CEP104: variants seen among roughly 807,000 people sequenced by gnomAD.
The protein encoded by CEP104 is centrosomal protein 104.
CEP104 carries 84 observed loss-of-function variants against 113.3 expected under a neutral mutation model. That is an observed-to-expected ratio of 0.74 (90% confidence interval 0.62 to 0.89). The LOEUF is 0.89. CEP104 is among the 40% of genes least tolerant of loss of function. The pLI is 0.00. For missense variants in CEP104, 1,053 were observed against 1,156.6 expected (o/e 0.91, Z 1.30); for synonymous variants, 378 against 421.7 (o/e 0.90, Z 1.27).
rs12093010 is a variant in CEP104 at position 3,835,365 on chromosome 1, G to T, written c.1318-273C>A. Among the ~76,000 whole-genome samples, 5,473 of 152,154 alleles carry T rather than the reference G, an allele frequency of 0.036. 360 individuals carry two copies. The highest frequency in any genetic ancestry group is 0.12 in the African/African-American group (5,182 of 41,504). On this transcript the variant is annotated intron_variant, in intron 10 of 21. Coordinates refer to ENST00000378230, the MANE Select transcript of CEP104 (RefSeq NM_014704.4). ...GAAATATTTTAAAGCTGAGAACGAG[G>T]GAAAACCCTACTCATTTCTTTTTAT... is the stretch of plus-strand genomic sequence containing the variant.
intron 18 of CEP104, 64 bp downstream of exon 18, chr1:3,825,694 G>T: frequency 9.5e-7 from 1 of 1,056,100 alleles, no homozygotes; most frequent in Non-Finnish European, 1.5e-6. Context: ...TTTTTGACTC[G>T]GCCTTTCAAC....
Position 3,836,468 on chromosome 1 carries a change from G to GTTTTTTTTT in CEP104, c.1317+18_1317+26dup, listed in dbSNP as rs36051675. ...AGACTAGCCTCCCCTCTGCCACCCC[G>GTTTTTTTTT]TTTTTTTTTTTTTTTTTTTTTTTTA... On this transcript the variant is annotated intron_variant, in intron 10 of 21. Coordinates refer to ENST00000378230, the MANE Select transcript of CEP104 (RefSeq NM_014704.4). The GTTTTTTTTT allele has an allele frequency of 1.3e-4, 136 of 1,011,066 alleles. 2 individuals carry two copies. Among genetic ancestry groups the GTTTTTTTTT allele is most frequent in the Admixed American group, 4.9e-4 (16 of 32,724 alleles). The allele number at this position is 1,011,066 out of a possible 1,614,324, so 62.6% of individuals were successfully genotyped here. A position where few individuals can be genotyped will look rare whatever the true frequency, so the allele number is the denominator to read the frequency against.
chr1:3,817,379 C>T (rs956196862), intron 20 of CEP104, among the ~76,000 whole-genome samples: 1 of 152,124 alleles, frequency 6.6e-6, no homozygotes, highest in Non-Finnish European at 1.5e-5. Flanking sequence ...CTGCTCCAGC[C>T]GCTCTCCCAT....
At chr1:3,856,323 A>G (rs896846167) in intron 1 of CEP104, among the ~76,000 whole-genome samples, 1 of 152,232 alleles carries the variant, frequency 6.6e-6, no homozygotes, top group Non-Finnish European at 1.5e-5. Flanking sequence ...CGGAGGCTGC[A>G]GTGAGCTGAG....
chr1:3,818,699 T>C (rs140140100), intron 20 of CEP104, among the ~76,000 whole-genome samples: 1,980 of 152,368 alleles, frequency 0.013, 22 homozygotes, highest in Non-Finnish European at 0.021. Context: ...TCTATTTATG[T>C]TCTTTGATGA....
Position 3,823,664 on chromosome 1 carries a change from T to C in CEP104, c.2365-102A>G. On this transcript the variant is annotated intron_variant, in intron 18 of 21. Transcript: ENST00000378230. The surrounding 1 kb of genome is among the most constrained non-coding windows in gnomAD (Gnocchi z 4.1). ...AGCGCCTCCCCTGCCCAGGGAGGTCTGTGCCGCCTGCACATGAAGTAAGCC... is the reference window on the plus strand; with the variant it reads ...AGCGCCTCCCCTGCCCAGGGAGGTCCGTGCCGCCTGCACATGAAGTAAGCC... The C allele has an allele frequency of 2.2e-6, 3 of 1,382,706 alleles. No individual in the cohort carries two copies. Among genetic ancestry groups the C allele is most frequent in the South Asian group, 1.2e-5 (1 of 81,254 alleles). The allele number at this position is 1,382,706 out of a possible 1,614,324, so 85.7% of individuals were successfully genotyped here. A position where few individuals can be genotyped will look rare whatever the true frequency, so the allele number is the denominator to read the frequency against.
At position 3,829,221 on chromosome 1, in the gene CEP104, A is replaced by C. The variant is rs745861832; in HGVS notation, c.2151+45T>G. The C allele has an allele frequency of 3.1e-6, 4 of 1,299,496 alleles. 1 individual carries two copies. In the South Asian group the frequency reaches 5.7e-5, roughly 18 times the overall value. 80.5% of individuals were successfully genotyped at this position (1,299,496 alleles called of 1,614,324 possible). ...GATGTGGATCTATACAGCAAAATAC[A>C]TTTCAGCTAAAAGCACACAGGTGAA... is the stretch of plus-strand genomic sequence containing the variant. On this transcript the variant is annotated intron_variant, in intron 15 of 21. Transcript: ENST00000378230.
At chr1:3,830,164 G>GTA (rs1427784518) in intron 13 of CEP104, among the ~76,000 whole-genome samples, 167 bp from the exon 14 acceptor site, 6 of 151,920 alleles carry the variant, frequency 3.9e-5, no homozygotes, top group Non-Finnish European at 8.8e-5. Context: ...CCGTCTCATC[G>GTA]TAAGCCGTGT....
chr1:3,844,698 C>CAAAA (rs59649331), intron 6 of CEP104, among the ~76,000 whole-genome samples: 1 of 79,720 alleles, frequency 1.3e-5, no homozygotes, highest in African/African-American at 5.2e-5. Flanking sequence ...AATTCTGTCT[C>CAAAA]AAAAAAAAAG....
chr1:3,833,749 GAAT>G, intron 12 of CEP104, 110 bp downstream of exon 12: 4 of 1,010,050 alleles, frequency 4.0e-6, no homozygotes, highest in Non-Finnish European at 5.9e-6. Flanking sequence ...GAATCCCTGA[GAAT>G]AATGTTAACT....
intron 2 of CEP104, among the ~76,000 whole-genome samples, chr1:3,851,029 A>G (rs1644600783): frequency 6.6e-6 from 1 of 152,248 alleles, no homozygotes; most frequent in Admixed American, 6.5e-5. Flanking sequence ...CTGGGAGGAG[A>G]GGGCAGAGCG....
intron 6 of CEP104, among the ~76,000 whole-genome samples, chr1:3,843,855 G>A (rs902491619): frequency 5.9e-5 from 9 of 151,708 alleles, no homozygotes; most frequent in South Asian, 2.1e-4. Context: ...TTCACCTCCC[G>A]GATTCAAGTC....
chr1:3,843,544 GTTTTGA>G (rs55691503), intron 6 of CEP104, among the ~76,000 whole-genome samples: 46,979 of 151,478 alleles, frequency 0.31, 8,675 homozygotes, highest in African/African-American at 0.51. Context: ...TAGAGATGGG[GTTTTGA>G]CATGTTCCCC....
intron 21 of CEP104, 181 bp downstream of exon 21, chr1:3,816,099 C>T (rs1213591076): frequency 3.6e-6 from 2 of 554,368 alleles, no homozygotes; most frequent in Non-Finnish European, 6.2e-6. Context: ...GGATTTTGGT[C>T]ACACGATTCT....
In CEP104 at chr1:3,856,922, C is replaced by G. The variant is rs1410543187; in HGVS notation, c.-48G>C. Reference sequence around the variant, plus strand: ...AGGGAAGGGCCCCGACTGGCGCTGCCGCGGCCCCGGTGGAGAGGGCGGCTG... The same window carrying G: ...AGGGAAGGGCCCCGACTGGCGCTGCGGCGGCCCCGGTGGAGAGGGCGGCTG... On this transcript the variant is annotated 5_prime_UTR_variant, in exon 1 of 22. Coordinates refer to ENST00000378230, the MANE Select transcript of CEP104 (RefSeq NM_014704.4). 1 of 151,872 alleles carries G rather than the reference C, an allele frequency of 6.6e-6. No homozygotes were observed. Among genetic ancestry groups the G allele is most frequent in the Non-Finnish European group, 1.5e-5 (1 of 67,996 alleles). The allele number at this position is 151,872 out of a possible 1,614,324, so 9.4% of individuals were successfully genotyped here.
rs1570755107 is a variant in CEP104, at chr1:3,815,285, A to G, written c.*117T>C. The G allele has an allele frequency of 1.4e-6, 1 of 735,918 alleles. No individual in the cohort carries two copies. Among genetic ancestry groups the G allele is most frequent in the Admixed American group, 2.3e-5 (1 of 44,020 alleles). 45.6% of individuals were successfully genotyped at this position (735,918 alleles called of 1,614,324 possible). A position where few individuals can be genotyped will look rare whatever the true frequency, so the allele number is the denominator to read the frequency against. On this transcript the variant is annotated 3_prime_UTR_variant, in exon 22 of 22. Transcript: ENST00000378230. ...CGCGTAAGAGGCGTGCACGGCGGGGAGCTGGGGACAGCAGCCAGAGCATGG... is the reference window on the plus strand; with the variant it reads ...CGCGTAAGAGGCGTGCACGGCGGGGGGCTGGGGACAGCAGCCAGAGCATGG...
Position 3,836,395 on chromosome 1 carries a change from C to T in CEP104, c.1317+100G>A, listed in dbSNP as rs1032851801. 1.2e-5 allele frequency: 15 copies of T among 1,203,606 alleles called. No homozygotes were observed. In the African/African-American group the frequency reaches 1.9e-4, roughly 15 times the overall value. 74.6% of individuals were successfully genotyped at this position (1,203,606 alleles called of 1,614,324 possible). On this transcript the variant is annotated intron_variant, in intron 10 of 21. Coordinates refer to ENST00000378230, the MANE Select transcript of CEP104 (RefSeq NM_014704.4). ...AATATTACAAATGCAAAGCCGTGGG[C>T]GTTTTCCCTCCTTTATGTGTAAGTA...
rs745447530 is a variant in CEP104 at position 3,813,035 on chromosome 1, A to C, written c.*2367T>G. 1 of 152,092 alleles carries C rather than the reference A, an allele frequency of 6.6e-6. No individual in the cohort carries two copies. Among genetic ancestry groups the C allele is most frequent in the South Asian group, 2.1e-4 (1 of 4,830 alleles). The allele number at this position is 152,092 out of a possible 1,614,324, so 9.4% of individuals were successfully genotyped here. A position where few individuals can be genotyped will look rare whatever the true frequency, so the allele number is the denominator to read the frequency against. ...TGTATATGTGTGTATATATATATAT[A>C]TATTTCTTAAAAGTGTTGATTGGTG... On this transcript the variant is annotated 3_prime_UTR_variant, in exon 22 of 22. Transcript: ENST00000378230.
At position 3,825,857 on chromosome 1, in the gene CEP104, A is replaced by C; in HGVS notation, c.2265T>G (p.Ile755Met). 5 of 1,611,426 alleles carry C rather than the reference A, an allele frequency of 3.1e-6. No homozygotes were observed. Among genetic ancestry groups the C allele is most frequent in the Non-Finnish European group, 4.2e-6 (5 of 1,177,522 alleles). Residue 755 changes from isoleucine (I) to methionine (M), a missense_variant, in exon 18 of 22, where the codon ATT (isoleucine) becomes ATG (methionine). By Grantham distance (10) the Ile-to-Met change is conservative (BLOSUM62 1). Coordinates refer to ENST00000378230, the MANE Select transcript of CEP104 (RefSeq NM_014704.4). ...AGGATTCACTCCTTTCCCCACAAAA[A>C]ATACACAAACTGAAAGCAAAGCAAA... ...PDEHYLDNLC[I>M]FCGERSESFT...
Sources: gnomAD v4.1 joint callset for allele counts (sites outside exome capture counted in the v4.1 genomes callset) on GRCh38, gnomAD v4.1.1 for gene constraint, Gnocchi (gnomAD v3.1) non-coding constraint, MANE v1.5 for transcripts, NCBI Gene and HGNC (gene_info 2026-07-23, HGNC 2026-07-21) for gene names.